The following RBFOX3 variants were observed in gnomAD, a reference collection of about 807,000 sequenced individuals.
The protein encoded by RBFOX3 is RNA binding protein fox-1 homolog 3.
Under a neutral mutation model 48.7 loss-of-function variants are expected in RBFOX3, and 17 were observed. The ratio of observed to expected loss-of-function variants is 0.35; its 90% CI spans 0.24 to 0.52. The LOEUF (loss-of-function observed/expected upper bound fraction) is 0.52. RBFOX3 is among the 20% of genes least tolerant of loss of function. The pLI is 0.94. For missense variants in RBFOX3, 382 were observed against 497.5 expected (o/e 0.77, Z 2.21); for synonymous variants, 212 against 209.5 (o/e 1.01, Z -0.10).
At chr17:79,556,978 T>C (rs2091807605) in intron 1 of RBFOX3, among the ~76,000 whole-genome samples, 1 of 152,116 alleles carries the variant, frequency 6.6e-6, no homozygotes. Context: ...TCATGGTGGC[T>C]CATGCCTATA....
At chr17:79,647,676 C>T in the RBFOX3 span, among the ~76,000 whole-genome samples, 3 of 152,200 alleles carry the variant, frequency 2.0e-5, no homozygotes, top group Non-Finnish European at 4.4e-5. Flanking sequence ...AGCCCACAGG[C>T]CCTGCTGCCC....
rs1488719650 is a variant in RBFOX3 at position 79,249,770 on chromosome 17, G to C, written c.-73-13965C>G. 6.6e-6 allele frequency among the ~76,000 whole-genome samples: 1 copy of C among 151,980 alleles called. No individual in the cohort carries two copies. The highest frequency in any genetic ancestry group is 6.6e-5 in the Admixed American group (1 of 15,254). ...TCCCTCTGCCTCCCGACCAAACCTGGTACCTCCCTGTGTGTCCCTGATGCC... is the reference window on the plus strand; with the variant it reads ...TCCCTCTGCCTCCCGACCAAACCTGCTACCTCCCTGTGTGTCCCTGATGCC... On this transcript the variant is annotated intron_variant, in intron 3 of 14. Transcript: ENST00000693108. This position sits in a 1 kb window ranked among gnomAD's most constrained non-coding sequence, Gnocchi z 4.1.
At position 79,151,933 on chromosome 17, in the gene RBFOX3, TACAGAGGGAGGCGC is replaced by T. The variant is rs2044601288; in HGVS notation, c.-33-36199_-33-36186del. 1.5e-4 allele frequency among the ~76,000 whole-genome samples: 3 copies of T among 20,230 alleles called. 1 individual carries two copies. The highest frequency in any genetic ancestry group is 4.4e-4 in the Non-Finnish European group (3 of 6,894). The allele number at this position is 20,230 out of a possible 152,430, so 13.3% of individuals were successfully genotyped here. A position where few individuals can be genotyped will look rare whatever the true frequency, so the allele number is the denominator to read the frequency against. ...GGGGAGGCGAGGATGGGAGGGGACC[TACAGAGGGAGGCGC>T]GGATGGGAGGTGCAGGGGGAGCTCC... On this transcript the variant is annotated intron_variant, in intron 4 of 14. Transcript: ENST00000693108.
chr17:79,375,509 C>G (rs9910139), intron 2 of RBFOX3, among the ~76,000 whole-genome samples: 123,906 of 152,126 alleles, frequency 0.81, 52,377 homozygotes, highest in East Asian at 0.99. Context: ...AGCAGGGTGA[C>G]GTGCTGGGCT....
chr17:79,505,939 A>G (rs938288879), intron 1 of RBFOX3, among the ~76,000 whole-genome samples: 11 of 152,180 alleles, frequency 7.2e-5, no homozygotes, highest in Non-Finnish European at 1.0e-4. Flanking sequence ...AAAGGCTAAG[A>G]GCATAACTGG....
rs2057238862 is a variant in RBFOX3 at position 79,363,183 on chromosome 17, C to A, written c.-174-55359G>T. Among the ~76,000 whole-genome samples the A allele has an allele frequency of 6.6e-6, 1 of 152,186 alleles. No homozygotes were observed. The highest frequency in any genetic ancestry group is 1.5e-5 in the Non-Finnish European group (1 of 68,030). Reference sequence around the variant, plus strand: ...ACTCCTGTGTCTGAGGTGGCTCCTGCACTCCTGAGCGTGGCCAGGGGTTCT... The same window carrying A: ...ACTCCTGTGTCTGAGGTGGCTCCTGAACTCCTGAGCGTGGCCAGGGGTTCT... On this transcript the variant is annotated intron_variant, in intron 2 of 14. Transcript: ENST00000693108. The surrounding 1 kb of genome is among the most constrained non-coding windows in gnomAD (Gnocchi z 4.7).
intron 1 of RBFOX3, among the ~76,000 whole-genome samples, chr17:79,545,833 A>C (rs2090350983): frequency 6.6e-6 from 1 of 151,976 alleles, no homozygotes; most frequent in Admixed American, 6.6e-5. Context: ...ACCCGTGCAC[A>C]CTCAACCCCG....
chr17:79,338,984 GCTGAATT>G (rs1293302456), intron 2 of RBFOX3, among the ~76,000 whole-genome samples: 2 of 152,260 alleles, frequency 1.3e-5, no homozygotes, highest in South Asian at 2.1e-4. Flanking sequence ...ATTTAGGGCT[GCTGAATT>G]CTGAATTCTG....
At chr17:79,202,248 T>C (rs1042021322) in intron 4 of RBFOX3, among the ~76,000 whole-genome samples, 1 of 152,012 alleles carries the variant, frequency 6.6e-6, no homozygotes, top group Non-Finnish European at 1.5e-5. Context: ...GGGCCTCTTA[T>C]CCACAGCAAA....
rs1285794102 is a variant in RBFOX3, at chr17:79,390,470, C to T, written c.-174-82646G>A. ...AACCGGCGTGGAAATACAGTCTTTGCGCCACTGCTTTTTTTTTTTTTTTTT... is the reference window on the plus strand; with the variant it reads ...AACCGGCGTGGAAATACAGTCTTTGTGCCACTGCTTTTTTTTTTTTTTTTT... On this transcript the variant is annotated intron_variant, in intron 2 of 14. Coordinates refer to ENST00000693108, the MANE Select transcript of RBFOX3 (RefSeq NM_001350451.2). This position sits in a 1 kb window ranked among gnomAD's most constrained non-coding sequence, Gnocchi z 4.2. Among the ~76,000 whole-genome samples the T allele has an allele frequency of 2.8e-5, 4 of 142,496 alleles. No homozygotes were observed. Among genetic ancestry groups the T allele is most frequent in the East Asian group, 2.1e-4 (1 of 4,708 alleles). 93.5% of individuals were successfully genotyped at this position (142,496 alleles called of 152,430 possible).
At chr17:79,455,910 A>T (rs1483135277) in intron 2 of RBFOX3, among the ~76,000 whole-genome samples, 2 of 152,218 alleles carry the variant, frequency 1.3e-5, no homozygotes, top group South Asian at 4.1e-4. Flanking sequence ...TCTCTCGGAC[A>T]TTGCACTAAC....
At chr17:79,170,112 GAGGAAGGA>G (rs749783223) in intron 4 of RBFOX3, among the ~76,000 whole-genome samples, 4 of 148,572 alleles carry the variant, frequency 2.7e-5, no homozygotes, top group Non-Finnish European at 4.5e-5. Flanking sequence ...AGGAAAGGAG[GAGGAAGGA>G]AGGAAGGAAG....
chr17:79,383,510 C>A (rs898553999), intron 2 of RBFOX3, among the ~76,000 whole-genome samples: 4 of 152,246 alleles, frequency 2.6e-5, no homozygotes, highest in Non-Finnish European at 5.9e-5. Flanking sequence ...GAATTAATTG[C>A]TGCTGATTAA....
At chr17:79,484,725 C>T (rs2079307546) in intron 1 of RBFOX3, among the ~76,000 whole-genome samples, 2 of 152,084 alleles carry the variant, frequency 1.3e-5, no homozygotes, top group African/African-American at 4.8e-5. Context: ...GACCTAAGTG[C>T]TTGATTCTCA....
chr17:79,104,105 C>A lies in RBFOX3; in HGVS notation c.382G>T (p.Val128Leu). ...MFGQFGKILD[V>L]EIIFNERGSK... The stretch of plus-strand genomic sequence containing the variant: ...CCCCGCTCGTTAAAAATGATCTCCA[C>A]GTCTAAAATTTTTCCGAATTGCTGC... The change falls in exon 7 of 15, where the codon GTG (valine) becomes TTG (leucine). Residue 128 changes from valine (V) to leucine (L), a missense_variant. By Grantham distance (32) the Val-to-Leu change is conservative (BLOSUM62 1). Transcript: ENST00000693108. The A allele has an allele frequency of 6.4e-7, 1 of 1,551,328 alleles. No individual in the cohort carries two copies.
At chr17:79,398,779 C>T (rs1014639054) in intron 2 of RBFOX3, among the ~76,000 whole-genome samples, 4 of 152,220 alleles carry the variant, frequency 2.6e-5, no homozygotes, top group African/African-American at 4.8e-5. Context: ...GGGCCAGTCA[C>T]GAGTCTGACC....
chr17:79,439,217 G>C (rs1196851087), intron 2 of RBFOX3, among the ~76,000 whole-genome samples: 1 of 152,196 alleles, frequency 6.6e-6, no homozygotes, highest in East Asian at 1.9e-4. Flanking sequence ...AGATGAGCTG[G>C]GGGCTTTATG....
intron 2 of RBFOX3, among the ~76,000 whole-genome samples, chr17:79,328,742 A>C (rs1247869338): frequency 6.6e-6 from 1 of 152,200 alleles, no homozygotes; most frequent in East Asian, 1.9e-4. Flanking sequence ...ACCCGGAGAC[A>C]TTTGGCTTCA....
chr17:79,497,476 A>G (rs1315582847), intron 1 of RBFOX3, among the ~76,000 whole-genome samples: 1 of 152,200 alleles, frequency 6.6e-6, no homozygotes, highest in African/African-American at 2.4e-5. Flanking sequence ...ATGTAATGAT[A>G]AGGAAAGTGT....
Sources: gnomAD v4.1 joint callset for allele counts (sites outside exome capture counted in the v4.1 genomes callset) on GRCh38, gnomAD v4.1.1 for gene constraint, Gnocchi (gnomAD v3.1) non-coding constraint, MANE v1.5 for transcripts, NCBI Gene and HGNC (gene_info 2026-07-23, HGNC 2026-07-21) for gene names.